The following ATG13 variants were observed in gnomAD, a reference collection of about 807,000 sequenced individuals.
The protein encoded by ATG13 is autophagy related 13, also known as autophagy-related protein 13.
In ATG13, 23 loss-of-function variants were observed where a neutral mutation model predicts 65.5. The observed-to-expected ratio is 0.35, with a 90% CI of 0.25 to 0.50. The LOEUF (loss-of-function observed/expected upper bound fraction) is 0.50. Among genes scored for constraint, ATG13 ranks in the 20% least tolerant of loss-of-function variants. The pLI, the probability that ATG13 is intolerant of heterozygous loss-of-function variation, is 0.98. For missense variants in ATG13, 566 were observed against 677.0 expected, an observed-to-expected ratio of 0.84 and a Z score of 1.82; for synonymous variants, 252 against 245.2, an observed-to-expected ratio of 1.03 and a Z score of -0.26.
intron 1 of ATG13, among the ~76,000 whole-genome samples, chr11:46,628,538 A>T (rs2050542517): frequency 6.6e-6 from 1 of 152,028 alleles, no homozygotes; most frequent in African/African-American, 2.4e-5. Context: ...TATATATTTT[A>T]TGTAAGTAGA....
At chr11:46,662,627 G>A (rs1252927059) in intron 11 of ATG13, among the ~76,000 whole-genome samples, 1 of 152,168 alleles carries the variant, frequency 6.6e-6, no homozygotes, top group Non-Finnish European at 1.5e-5. Flanking sequence ...CTCTGATCAA[G>A]GCTGGTACAA....
intron 7 of ATG13, among the ~76,000 whole-genome samples, chr11:46,653,514 C>G (rs368952813): frequency 6.6e-6 from 1 of 151,432 alleles, no homozygotes; most frequent in Non-Finnish European, 1.5e-5. Context: ...TCTGTAAGAC[C>G]TAGGATTCAG....
chr11:46,626,268 G>A (rs756401692), intron 1 of ATG13, among the ~76,000 whole-genome samples: 7 of 149,818 alleles, frequency 4.7e-5, no homozygotes, highest in Non-Finnish European at 1.0e-4. Context: ...TTTGTTTTTT[G>A]AGACGGGAGT....
chr11:46,633,120 G>A (rs1029333807), intron 2 of ATG13, among the ~76,000 whole-genome samples: 2 of 148,108 alleles, frequency 1.4e-5, no homozygotes, highest in African/African-American at 5.0e-5. Flanking sequence ...CTCCTCTCGG[G>A]TTCAAGCTAT....
At chr11:46,657,335 T>C in intron 9 of ATG13, 144 bp downstream of exon 9, 2 of 940,002 alleles carry the variant, frequency 2.1e-6, no homozygotes, top group South Asian at 1.5e-5. Context: ...AGTTGCCAGA[T>C]TGGAGAATTT....
chr11:46,642,213 T>C (rs1430081777), intron 2 of ATG13, among the ~76,000 whole-genome samples: 2 of 152,036 alleles, frequency 1.3e-5, no homozygotes, highest in African/African-American at 4.8e-5. Context: ...TTCTCAGTTA[T>C]CCATGTTTAA....
chr11:46,661,044 G>GTTTTC (rs2061077954), intron 11 of ATG13, among the ~76,000 whole-genome samples: 1 of 150,888 alleles, frequency 6.6e-6, no homozygotes, highest in Admixed American at 6.6e-5. Context: ...GTTTTGTTTT[G>GTTTTC]AGACAGGGTC....
Position 46,672,837 on chromosome 11 carries a change from T to C in ATG13, c.*505T>C, listed in dbSNP as rs1445459206. The C allele has an allele frequency of 1.2e-5, 15 of 1,220,506 alleles. No homozygotes were observed. Among genetic ancestry groups the C allele is most frequent in the Non-Finnish European group, 1.4e-5 (13 of 945,124 alleles). The allele number at this position is 1,220,506 out of a possible 1,614,324, so 75.6% of individuals were successfully genotyped here. ...CCTTAGCTCTCTTCATTGTCCCCTT[T>C]ACTTCCTGCTATCTTCTTCTCCTCT... is the stretch of plus-strand genomic sequence containing the variant. On this transcript the variant is annotated 3_prime_UTR_variant, in exon 19 of 19. Transcript: ENST00000683050.
intron 14 of ATG13, among the ~76,000 whole-genome samples, chr11:46,667,571 G>A (rs529037463): frequency 5.6e-4 from 85 of 152,294 alleles, no homozygotes; most frequent in African/African-American, 1.9e-3. Flanking sequence ...GTAGTTCCAG[G>A]AAGTGCAGCC....
In ATG13 at chr11:46,667,724, G is replaced by T. The variant is rs201954270; in HGVS notation, c.1137-49G>T. The T allele has an allele frequency of 6.9e-6, 10 of 1,448,646 alleles. No homozygotes were observed. The Admixed American group carries it at 1.7e-4, about 25-fold the overall frequency. 89.7% of individuals were successfully genotyped at this position (1,448,646 alleles called of 1,614,324 possible). On this transcript the variant is annotated intron_variant, in intron 14 of 18. Coordinates refer to ENST00000683050, the MANE Select transcript of ATG13 (RefSeq NM_001346311.2). ...TGGTGTATTTATAGTGAACTAAGTC[G>T]TCCTGCTGTGGTTTGAGAACGAGTA...
intron 1 of ATG13, among the ~76,000 whole-genome samples, chr11:46,624,069 A>G (rs1234651189): frequency 6.6e-6 from 1 of 151,134 alleles, no homozygotes; most frequent in African/African-American, 2.4e-5. Flanking sequence ...CAGTGGCGCA[A>G]TCTCGGCTCC....
At chr11:46,644,870 C>T (rs983549359) in intron 3 of ATG13, among the ~76,000 whole-genome samples, 5 of 152,220 alleles carry the variant, frequency 3.3e-5, no homozygotes, top group Admixed American at 3.3e-4. Context: ...CATGCTAGAA[C>T]AATCCATGTA....
chr11:46,664,289 C>T (rs1037164817), intron 12 of ATG13, 194 bp downstream of exon 12: 1 of 527,326 alleles, frequency 1.9e-6, no homozygotes, highest in Non-Finnish European at 3.3e-6. Context: ...ATCTGCCCCT[C>T]CTCCTACCAT....
At chr11:46,646,394 C>T (rs966581153) in intron 5 of ATG13, among the ~76,000 whole-genome samples, 2 of 152,122 alleles carry the variant, frequency 1.3e-5, no homozygotes, top group African/African-American at 2.4e-5. Flanking sequence ...GTGATCCGCC[C>T]GCATTGGCCT....
chr11:46,664,329 A>G (rs2061817547), intron 12 of ATG13, among the ~76,000 whole-genome samples: 1 of 152,272 alleles, frequency 6.6e-6, no homozygotes, highest in African/African-American at 2.4e-5. Flanking sequence ...AGTTATTTAT[A>G]TCAGATTTTT....
At chr11:46,638,054 T>A (rs2054597164) in intron 2 of ATG13, among the ~76,000 whole-genome samples, 1 of 152,252 alleles carries the variant, frequency 6.6e-6, no homozygotes, top group Non-Finnish European at 1.5e-5. Context: ...TTTTGATGCA[T>A]GTCTAAATTG....
chr11:46,665,317 G>T (rs35659081), intron 13 of ATG13, 66 bp from the exon 14 acceptor site: 3 of 1,564,250 alleles, frequency 1.9e-6, no homozygotes, highest in Non-Finnish European at 2.6e-6. Flanking sequence ...CATCATGCTA[G>T]AATGTGAAGT....
Position 46,659,462 on chromosome 11 carries a change from T to C in ATG13, c.766T>C (p.Phe256Leu), listed in dbSNP as rs201108289. ...EDSQEVCTTS[F>L]STSPPSQCVF... ...CTCTCAAGAAGTGTGTACCACCTCT[T>C]TTTCCACCTCCCCACCATCCCAGGT... Residue 256 changes from phenylalanine (F) to leucine (L), a missense_variant, in exon 11 of 19, where the codon TTT (phenylalanine) becomes CTT (leucine). This residue lies in a region of ATG13 where 387 missense variants were observed against 409.8 expected (regional missense o/e 0.94). Coordinates refer to ENST00000683050, the MANE Select transcript of ATG13 (RefSeq NM_001346311.2). 26 of 1,613,872 alleles carry C rather than the reference T, an allele frequency of 1.6e-5. No individual in the cohort carries two copies. In the East Asian group the frequency reaches 5.6e-4, roughly 35 times the overall value.
intron 1 of ATG13, among the ~76,000 whole-genome samples, chr11:46,619,623 G>T (rs1410208858): frequency 1.3e-5 from 2 of 151,664 alleles, no homozygotes; most frequent in Non-Finnish European, 2.9e-5. Context: ...CCCGACCTCA[G>T]GTTATCCACC....
Sources: allele counts gnomAD v4.1 joint callset (sites outside exome capture counted in the v4.1 genomes callset), GRCh38; gene constraint gnomAD v4.1.1; regional missense constraint gnomAD v4.1.1; transcripts MANE v1.5; gene names NCBI Gene and HGNC (gene_info 2026-07-23, HGNC 2026-07-21).